Variants in ST6GALNAC5 observed in about 807,000 individuals in gnomAD.
The protein encoded by ST6GALNAC5 is ST6 N-acetylgalactosaminide alpha-2,6-sialyltransferase 5.
A neutral mutation model predicts 33.6 loss-of-function variants in ST6GALNAC5; 27 were observed. The ratio of observed to expected loss-of-function variants is 0.80; its 90% CI spans 0.59 to 1.11. ST6GALNAC5 has a LOEUF of 1.11. Among genes scored for constraint, ST6GALNAC5 ranks in the 50% least tolerant of loss-of-function variants. ST6GALNAC5 has a pLI of 0.00. For synonymous variants in ST6GALNAC5, 194 were observed against 171.2 expected (o/e 1.13, Z -1.04); for missense variants, 428 against 454.0 (o/e 0.94, Z 0.52).
intron 2 of ST6GALNAC5, among the ~76,000 whole-genome samples, chr1:76,901,247 G>A (rs1166532137): frequency 1.3e-5 from 2 of 152,202 alleles, no homozygotes; most frequent in Non-Finnish European, 2.9e-5. Context: ...AGTCACCAAT[G>A]TATTTTCCGT....
chr1:77,039,843 C>T (rs2100457293), intron 2 of ST6GALNAC5, among the ~76,000 whole-genome samples: 1 of 152,290 alleles, frequency 6.6e-6, no homozygotes, highest in African/African-American at 2.4e-5. Context: ...CCGCTGGAGC[C>T]ACCTCCCCTC....
At chr1:76,995,480 T>C (rs1438709226) in intron 2 of ST6GALNAC5, 1 of 152,208 alleles carries the variant, frequency 6.6e-6, no homozygotes, top group Non-Finnish European at 1.5e-5. Context: ...AGCAGAGTCA[T>C]AGACTCTCCT....
chr1:76,895,727 C>A (rs531186958), intron 2 of ST6GALNAC5, among the ~76,000 whole-genome samples: 2,032 of 152,164 alleles, frequency 0.013, 47 homozygotes, highest in African/African-American at 0.046. Flanking sequence ...AAGAGCAGGG[C>A]ATGTATGAGT....
chr1:76,974,558 TA>T (rs1378782469), intron 2 of ST6GALNAC5, among the ~76,000 whole-genome samples: 3 of 151,938 alleles, frequency 2.0e-5, no homozygotes, highest in Non-Finnish European at 2.9e-5. Context: ...TATAAGTCTG[TA>T]AATTTTCTTG....
chr1:77,011,716 GATA>G lies in ST6GALNAC5; in HGVS notation c.262-32485_262-32483del, dbSNP rs1383589788. On this transcript the variant is annotated intron_variant, in intron 2 of 4. Coordinates refer to ENST00000477717, the MANE Select transcript of ST6GALNAC5 (RefSeq NM_030965.3). Reference sequence around the variant, plus strand: ...TAATATTTTTATTTTATAATATAGTGATAATGATAATACAGTAACTGCATATAA... The same window carrying G: ...TAATATTTTTATTTTATAATATAGTGATGATAATACAGTAACTGCATATAA... 7.9e-5 allele frequency among the ~76,000 whole-genome samples: 12 copies of G among 151,832 alleles called. 1 individual carries two copies. The highest frequency in any genetic ancestry group is 2.4e-4 in the African/African-American group (10 of 41,400).
intron 2 of ST6GALNAC5, among the ~76,000 whole-genome samples, chr1:76,980,691 AC>A (rs1388303918): frequency 6.6e-6 from 1 of 152,180 alleles, no homozygotes; most frequent in East Asian, 1.9e-4. Context: ...GAATGGAACC[AC>A]CTTTCCACTC....
intron 2 of ST6GALNAC5, among the ~76,000 whole-genome samples, chr1:76,898,598 G>A (rs1646782675): frequency 6.6e-6 from 1 of 152,158 alleles, no homozygotes; most frequent in Non-Finnish European, 1.5e-5. Flanking sequence ...AACTGGGCTG[G>A]GTTTTTCATA....
intron 2 of ST6GALNAC5, among the ~76,000 whole-genome samples, chr1:76,976,379 T>C (rs1282141754): frequency 2.6e-5 from 4 of 152,198 alleles, no homozygotes; most frequent in Admixed American, 2.6e-4. Flanking sequence ...AAGATGTCTA[T>C]AGTTTTCTCC....
At chr1:77,023,769 G>A (rs566517427) in intron 2 of ST6GALNAC5, among the ~76,000 whole-genome samples, 2 of 152,140 alleles carry the variant, frequency 1.3e-5, no homozygotes, top group Non-Finnish European at 2.9e-5. Flanking sequence ...TGAGCACAGG[G>A]GCCTGGTAGA....
chr1:76,941,100 C>T (rs1647322930), intron 2 of ST6GALNAC5, among the ~76,000 whole-genome samples: 1 of 152,114 alleles, frequency 6.6e-6, no homozygotes, highest in African/African-American at 2.4e-5. Flanking sequence ...AAGATGTAGC[C>T]AGGGTGACCA....
chr1:76,922,757 G>T (rs1647046939), intron 2 of ST6GALNAC5, among the ~76,000 whole-genome samples: 1 of 151,874 alleles, frequency 6.6e-6, no homozygotes, highest in Non-Finnish European at 1.5e-5. Context: ...TGGGCAACAT[G>T]GCAAAAAGTC....
intron 2 of ST6GALNAC5, among the ~76,000 whole-genome samples, chr1:77,006,036 C>A (rs888797606): frequency 1.3e-5 from 2 of 152,146 alleles, no homozygotes; most frequent in South Asian, 2.1e-4. Flanking sequence ...TGAGCCCATG[C>A]TTTCAGTTTT....
At chr1:76,993,843 G>A (rs1883778) in intron 2 of ST6GALNAC5, among the ~76,000 whole-genome samples, 52,104 of 151,684 alleles carry the variant, frequency 0.34, 10,915 homozygotes, top group Non-Finnish European at 0.45. Flanking sequence ...GTTTTCAATT[G>A]TGAATTTATT....
intron 2 of ST6GALNAC5, among the ~76,000 whole-genome samples, chr1:77,035,557 G>C (rs887284043): frequency 6.6e-6 from 1 of 152,258 alleles, no homozygotes; most frequent in African/African-American, 2.4e-5. Context: ...GCTGAATGTT[G>C]GCTTGGAGCC....
intron 2 of ST6GALNAC5, among the ~76,000 whole-genome samples, chr1:76,979,189 G>A (rs143187649): frequency 1.3e-4 from 20 of 152,078 alleles, no homozygotes; most frequent in African/African-American, 2.4e-4. Context: ...TAAAATGTTC[G>A]TATTACCTAA....
At chr1:77,025,012 G>A (rs1229475730) in intron 2 of ST6GALNAC5, among the ~76,000 whole-genome samples, 4 of 152,020 alleles carry the variant, frequency 2.6e-5, no homozygotes, top group African/African-American at 9.7e-5. Flanking sequence ...CTCTGTCTGT[G>A]GATTCTCTTT....
At chr1:76,890,469 G>C (rs953254976) in intron 2 of ST6GALNAC5, among the ~76,000 whole-genome samples, 2 of 151,860 alleles carry the variant, frequency 1.3e-5, no homozygotes, top group African/African-American at 4.8e-5. Flanking sequence ...CAAAGCTTTA[G>C]GTTAAAGGAT....
At chr1:77,044,004 C>A (rs145032312) in intron 2 of ST6GALNAC5, among the ~76,000 whole-genome samples, 200 bp from the exon 3 acceptor site, 238 of 152,266 alleles carry the variant, frequency 1.6e-3, no homozygotes, top group African/African-American at 5.5e-3. Context: ...CCCTTTTGCT[C>A]TTGTCCATTG....
intron 2 of ST6GALNAC5, among the ~76,000 whole-genome samples, chr1:76,900,061 G>A (rs1408143821): frequency 6.6e-6 from 1 of 152,190 alleles, no homozygotes; most frequent in Non-Finnish European, 1.5e-5. Flanking sequence ...CAGGTGGGCT[G>A]AGTCTGAAAA....
Sources: allele counts gnomAD v4.1 joint callset (sites outside exome capture counted in the v4.1 genomes callset), GRCh38; gene constraint gnomAD v4.1.1; transcripts MANE v1.5; gene names NCBI Gene and HGNC (gene_info 2026-07-23, HGNC 2026-07-21).